Variants in MYRIP observed in about 807,000 individuals in gnomAD.
MYRIP encodes the protein myosin VIIA and Rab interacting protein, also known as rab effector MyRIP.
MYRIP carries 49 observed loss-of-function variants against 98.0 expected under a neutral mutation model. That is an observed-to-expected ratio of 0.50 (90% CI 0.40 to 0.63). The LOEUF (loss-of-function observed/expected upper bound fraction) is 0.63. Ranked by LOEUF, MYRIP falls within the 30% of genes least tolerant of loss-of-function variation. MYRIP has a pLI of 0.00. For missense variants in MYRIP, 1,004 were observed against 1,058.2 expected, an observed-to-expected ratio of 0.95 and a Z score of 0.71; for synonymous variants, 404 against 409.5, an observed-to-expected ratio of 0.99 and a Z score of 0.16.
chr3:40,059,319 A>G (rs1294364586), intron 3 of MYRIP, among the ~76,000 whole-genome samples: 2 of 152,108 alleles, frequency 1.3e-5, no homozygotes, highest in African/African-American at 4.8e-5. Flanking sequence ...TGCTGGGTCA[A>G]ATGGTATTTC....
At chr3:39,899,558 T>C (rs1047141016) in intron 1 of MYRIP, among the ~76,000 whole-genome samples, 1 of 152,170 alleles carries the variant, frequency 6.6e-6, no homozygotes, top group Non-Finnish European at 1.5e-5. Context: ...GTCTGGTGTA[T>C]ATTTTTAAGA....
chr3:39,845,838 G>C (rs954800977), intron 1 of MYRIP, among the ~76,000 whole-genome samples: 1 of 80,618 alleles, frequency 1.2e-5, no homozygotes. Context: ...CCATTACAAA[G>C]AACTTTCCCC....
chr3:39,992,103 G>C (rs115087626), intron 2 of MYRIP, among the ~76,000 whole-genome samples: 1 of 152,032 alleles, frequency 6.6e-6, no homozygotes, highest in Non-Finnish European at 1.5e-5. Flanking sequence ...TTAACATTGC[G>C]TGCCACCAAG....
intron 1 of MYRIP, among the ~76,000 whole-genome samples, chr3:39,831,583 T>C (rs1289085812): frequency 1.3e-5 from 2 of 152,224 alleles, no homozygotes; most frequent in Non-Finnish European, 2.9e-5. Flanking sequence ...CTGGTGCATA[T>C]TTTTCAATCA....
At chr3:39,907,118 G>T (rs1019320097) in intron 2 of MYRIP, among the ~76,000 whole-genome samples, 2 of 152,088 alleles carry the variant, frequency 1.3e-5, no homozygotes, top group African/African-American at 4.8e-5. Context: ...CTGCTTGGGT[G>T]TTGGGCATTT....
At chr3:40,034,400 C>A (rs1458636007) in intron 2 of MYRIP, among the ~76,000 whole-genome samples, 3 of 152,016 alleles carry the variant, frequency 2.0e-5, no homozygotes, top group Middle Eastern at 6.8e-3. Context: ...ACCCCATCAA[C>A]AAGTGGGCGA....
At chr3:40,168,310 C>G (rs1412980346) in intron 7 of MYRIP, among the ~76,000 whole-genome samples, 2 of 152,186 alleles carry the variant, frequency 1.3e-5, no homozygotes, top group Non-Finnish European at 2.9e-5. Context: ...TTGAAAGTAT[C>G]ATAAGTCAAA....
At chr3:40,113,782 C>G (rs1365439918) in intron 3 of MYRIP, among the ~76,000 whole-genome samples, 1 of 152,002 alleles carries the variant, frequency 6.6e-6, no homozygotes, top group Non-Finnish European at 1.5e-5. Context: ...CTCCACCTCC[C>G]GGGTTCACGC....
chr3:40,248,380 G>T (rs905622958), intron 13 of MYRIP: 1 of 152,204 alleles, frequency 6.6e-6, no homozygotes, highest in Non-Finnish European at 1.5e-5. Flanking sequence ...CGATCTTGTG[G>T]ACATGGAGCT....
intron 8 of MYRIP, among the ~76,000 whole-genome samples, chr3:40,176,393 T>C (rs1373118342): frequency 6.6e-6 from 1 of 152,186 alleles, no homozygotes; most frequent in Admixed American, 6.5e-5. Context: ...CATCAAGTTG[T>C]ATTTGCACAG....
chr3:39,949,263 G>A (rs957449773), intron 2 of MYRIP, among the ~76,000 whole-genome samples: 3 of 152,082 alleles, frequency 2.0e-5, no homozygotes, highest in Non-Finnish European at 4.4e-5. Context: ...TTGTCTAAAA[G>A]CATATTACAA....
At chr3:39,975,814 A>C (rs1210027272) in intron 2 of MYRIP, among the ~76,000 whole-genome samples, 1 of 152,214 alleles carries the variant, frequency 6.6e-6, no homozygotes, top group Non-Finnish European at 1.5e-5. Flanking sequence ...TTCCCTATTT[A>C]ATAAATGGTG....
At chr3:39,984,449 T>C (rs1003801628) in intron 2 of MYRIP, among the ~76,000 whole-genome samples, 2 of 152,040 alleles carry the variant, frequency 1.3e-5, no homozygotes, top group Non-Finnish European at 2.9e-5. Flanking sequence ...ATTGTTCAAT[T>C]CCCACCTATG....
intron 2 of MYRIP, among the ~76,000 whole-genome samples, chr3:39,958,625 A>G (rs1198469813): frequency 2.0e-5 from 3 of 152,236 alleles, no homozygotes; most frequent in Admixed American, 6.5e-5. Context: ...ATGGGCAAGG[A>G]CTTCATGTCT....
At chr3:39,903,238 T>G (rs950423345) in intron 2 of MYRIP, among the ~76,000 whole-genome samples, 7 of 152,234 alleles carry the variant, frequency 4.6e-5, no homozygotes, top group African/African-American at 1.4e-4. Flanking sequence ...CTTTTTATAT[T>G]GCTTGAATTT....
In MYRIP at chr3:40,189,868, C is replaced by A. The variant is rs1951151895; in HGVS notation, c.1070C>A (p.Ala357Asp). 1 of 1,613,850 alleles carries A rather than the reference C, an allele frequency of 6.2e-7. No homozygotes were observed. The highest frequency in any genetic ancestry group is 1.3e-5 in the African/African-American group (1 of 74,948). The change falls in exon 10 of 17, where the codon GCC (alanine) becomes GAC (aspartate). Residue 357 changes from alanine (A) to aspartate (D), a missense_variant. Around this residue, in one of 3 missense-constraint regions of MYRIP, gnomAD observed 880 missense variants for 907.7 expected, o/e 0.97. Coordinates refer to ENST00000302541, the MANE Select transcript of MYRIP (RefSeq NM_015460.4). ...VLQSPDGNWVALKDGAPPPTR... is the reference protein window; with the variant it reads ...VLQSPDGNWVDLKDGAPPPTR... ...CAGAGCCCCGACGGGAACTGGGTGG[C>A]CCTGAAGGATGGCGCTCCACCCCCC...
chr3:39,927,668 G>T (rs144400809), intron 2 of MYRIP, among the ~76,000 whole-genome samples: 103 of 152,004 alleles, frequency 6.8e-4, no homozygotes, highest in South Asian at 2.3e-3. Context: ...CAAGGAGAAG[G>T]AACTTCTCCC....
chr3:39,996,377 G>A (rs1232344164), intron 2 of MYRIP, among the ~76,000 whole-genome samples: 1 of 150,668 alleles, frequency 6.6e-6, no homozygotes, highest in Non-Finnish European at 1.5e-5. Context: ...GGCAGGGGTT[G>A]CAATCCTAGT....
At chr3:39,898,696 C>T (rs1943673379) in intron 1 of MYRIP, among the ~76,000 whole-genome samples, 1 of 151,884 alleles carries the variant, frequency 6.6e-6, no homozygotes, top group African/African-American at 2.4e-5. Context: ...TAGTGACTGT[C>T]AATAGGATTT....
Sources: allele counts gnomAD v4.1 joint callset (sites outside exome capture counted in the v4.1 genomes callset), GRCh38; gene constraint gnomAD v4.1.1; regional missense constraint gnomAD v4.1.1; transcripts MANE v1.5; gene names NCBI Gene and HGNC (gene_info 2026-07-23, HGNC 2026-07-21).